The following CDON variants were observed in gnomAD, a reference collection of about 807,000 sequenced individuals.
The protein encoded by CDON is cell adhesion associated, oncogene regulated, also known as cell adhesion molecule-related/down-regulated by oncogenes.
A neutral mutation model predicts 120.9 loss-of-function variants in CDON; 73 were observed. The observed-to-expected ratio is 0.60, with a 90% CI of 0.50 to 0.73. CDON has a LOEUF of 0.73. Among genes scored for constraint, CDON ranks in the 30% least tolerant of loss-of-function variants. The pLI is 0.00. For missense variants in CDON, 1,470 were observed against 1,587.3 expected (o/e 0.93, Z 1.26); for synonymous variants, 566 against 573.5 (o/e 0.99, Z 0.19).
intron 13 of CDON, among the ~76,000 whole-genome samples, 177 bp from the exon 14 acceptor site, chr11:125,994,566 A>G (rs1454365362): frequency 6.6e-6 from 1 of 152,250 alleles, no homozygotes; most frequent in African/African-American, 2.4e-5. Context: ...TTGCGAGGTT[A>G]AACAGAAATA....
At chr11:126,059,529 GCA>G (rs891696246) in intron 1 of CDON, among the ~76,000 whole-genome samples, 13 of 123,352 alleles carry the variant, frequency 1.1e-4, no homozygotes, top group East Asian at 2.2e-4. Context: ...CACTCCCTCT[GCA>G]CACACACACA....
intron 1 of CDON, among the ~76,000 whole-genome samples, chr11:126,030,818 A>G (rs1274136239): frequency 6.6e-6 from 1 of 152,216 alleles, no homozygotes; most frequent in East Asian, 1.9e-4. Context: ...CCTTAACCAC[A>G]GGCAACTTTA....
rs150950960 is a variant in CDON, at chr11:126,034,538, TAAAA to T, written c.-61-11005_-61-11002del. Among the ~76,000 whole-genome samples the T allele has an allele frequency of 6.7e-6, 1 of 148,820 alleles. No homozygotes were observed. The highest frequency in any genetic ancestry group is 2.5e-5 in the African/African-American group (1 of 40,568). ...GTTCTATTCACAATATTTGTGTGTT[TAAAA>T]AAAAAAGTCAAGTGTTCCTGTTCCA... On this transcript the variant is annotated intron_variant, in intron 1 of 19. Coordinates refer to ENST00000531738, the MANE Select transcript of CDON (RefSeq NM_001378964.1). This position sits in a 1 kb window ranked among gnomAD's most constrained non-coding sequence, Gnocchi z 4.5.
chr11:125,971,911 A>G (rs1475520564), intron 18 of CDON, among the ~76,000 whole-genome samples: 1 of 152,250 alleles, frequency 6.6e-6, no homozygotes, highest in Non-Finnish European at 1.5e-5. Context: ...TTAATTACAT[A>G]TCCAGAACTG....
At chr11:126,009,471 G>T (rs1947230165) in intron 8 of CDON, among the ~76,000 whole-genome samples, 1 of 152,156 alleles carries the variant, frequency 6.6e-6, no homozygotes. Flanking sequence ...TGGAGCCCCA[G>T]ACCTGTCTAG....
intron 18 of CDON, among the ~76,000 whole-genome samples, chr11:125,977,834 TA>T (rs61617990): frequency 6.0e-5 from 9 of 151,006 alleles, no homozygotes; most frequent in Admixed American, 3.3e-4. Flanking sequence ...TTTTAAGAAT[TA>T]AAAAAAAACA....
chr11:126,037,314 G>C (rs1948127734), intron 1 of CDON, among the ~76,000 whole-genome samples: 1 of 151,942 alleles, frequency 6.6e-6, no homozygotes, highest in South Asian at 2.1e-4. Flanking sequence ...TGGCCAGGCT[G>C]GTCTTGAACT....
chr11:125,974,685 G>C (rs202006902), intron 18 of CDON, among the ~76,000 whole-genome samples: 1 of 151,826 alleles, frequency 6.6e-6, no homozygotes, highest in Non-Finnish European at 1.5e-5. Context: ...CTATTACTTG[G>C]ATAGAACTTA....
chr11:126,017,047 A>T (rs574453701), intron 6 of CDON, 41 bp downstream of exon 6: 1 of 1,567,208 alleles, frequency 6.4e-7, no homozygotes, highest in African/African-American at 1.4e-5. Flanking sequence ...TAGACCAGAA[A>T]AATGGCTTCA....
intron 1 of CDON, among the ~76,000 whole-genome samples, chr11:126,045,833 G>A (rs190212328): frequency 5.5e-4 from 83 of 152,140 alleles, no homozygotes; most frequent in African/African-American, 1.5e-3. Context: ...AGCCGGGCGT[G>A]GTGGCACATG....
chr11:125,997,058 T>C, intron 12 of CDON, 149 bp downstream of exon 12: 1 of 697,486 alleles, frequency 1.4e-6, no homozygotes, highest in South Asian at 1.5e-5. Context: ...GTGCCTGTAG[T>C]CTCAGCTACT....
chr11:126,021,471 A>G lies in CDON; in HGVS notation c.126T>C (p.Leu42=). The G allele has an allele frequency of 6.2e-7, 1 of 1,614,082 alleles. No homozygotes were observed. The highest frequency in any genetic ancestry group is 8.5e-7 in the Non-Finnish European group (1 of 1,179,944). Residue 42 remains leucine, a synonymous_variant, in exon 3 of 20, where the codon CTT becomes CTC. Transcript: ENST00000531738. Reference sequence around the variant, plus strand: ...AACAATGCAGTACTACAGGTCCACCAAGTTTCTGGACAGCAGAGAGCGGCT... The same window carrying G: ...AACAATGCAGTACTACAGGTCCACCGAGTTTCTGGACAGCAGAGAGCGGCT... The part of the protein sequence containing the change: ...TSEPLSAVQK[L]GGPVVLHCSA...
At chr11:125,981,627 C>CT (rs771121816) in intron 16 of CDON, among the ~76,000 whole-genome samples, 15 of 152,092 alleles carry the variant, frequency 9.9e-5, no homozygotes, top group Middle Eastern at 3.2e-3. Flanking sequence ...GCTGTGAACT[C>CT]TGAGTTAATT....
At chr11:125,976,816 T>C (rs562040196) in intron 18 of CDON, among the ~76,000 whole-genome samples, 2 of 152,312 alleles carry the variant, frequency 1.3e-5, no homozygotes, top group South Asian at 2.1e-4. Flanking sequence ...TTACATTACC[T>C]AGGACAATTT....
At chr11:126,043,033 A>T (rs949260027) in intron 1 of CDON, among the ~76,000 whole-genome samples, 4 of 152,174 alleles carry the variant, frequency 2.6e-5, no homozygotes, top group African/African-American at 9.7e-5. Context: ...CTAACTTTCG[A>T]CACCTAAGTA....
rs1324034508 is a variant in CDON, at chr11:125,959,065, G to C, written c.*1877C>G. 2 of 152,128 alleles carry C rather than the reference G, an allele frequency of 1.3e-5. No homozygotes were observed. The highest frequency in any genetic ancestry group is 2.9e-5 in the Non-Finnish European group (2 of 68,040). 9.4% of individuals were successfully genotyped at this position (152,128 alleles called of 1,614,324 possible). ...TATAGGCACGGACATCTGGAATGTA[G>C]AACTTGGGTCTACAGCATCCCTAAT... On this transcript the variant is annotated 3_prime_UTR_variant, in exon 20 of 20. Transcript: ENST00000531738.
At position 125,970,214 on chromosome 11, in the gene CDON, C is replaced by T. The variant is rs540773275; in HGVS notation, c.3356+8090G>A. ...TTTTTGAGACAGAGTCTTGCTCTGT[C>T]GCCAGGCTGGAGTGCAGTGGCGCGA... On this transcript the variant is annotated intron_variant, in intron 18 of 19. Coordinates refer to ENST00000531738, the MANE Select transcript of CDON (RefSeq NM_001378964.1). Among the ~76,000 whole-genome samples, 14 of 126,602 alleles carry T rather than the reference C, an allele frequency of 1.1e-4. No individual in the cohort carries two copies. In the East Asian group the frequency reaches 2.8e-3, roughly 25 times the overall value. The allele number at this position is 126,602 out of a possible 152,430, so 83.1% of individuals were successfully genotyped here. A position where few individuals can be genotyped will look rare whatever the true frequency, so the allele number is the denominator to read the frequency against.
rs372488329 is a variant in CDON, at chr11:126,010,584, G to A, written c.1309C>T (p.Arg437Cys). ...ATCAATCCATGGCTGTCATACCAAC[G>A]AATGACCGGAACCGGCAGCCCACTG... is the stretch of plus-strand genomic sequence containing the variant. The part of the protein sequence containing the change: ...NASGLPVPVI[R>C]WYDSHGLITS... Residue 437 changes from arginine (R) to cysteine (C), a missense_variant, in exon 8 of 20, where the codon CGT (arginine) becomes TGT (cysteine). By Grantham distance (180) the Arg-to-Cys change is radical. Coordinates refer to ENST00000531738, the MANE Select transcript of CDON (RefSeq NM_001378964.1). 3.1e-6 allele frequency: 5 copies of A among 1,614,086 alleles called. No homozygotes were observed. The highest frequency in any genetic ancestry group is 2.2e-5 in the East Asian group (1 of 44,884).
intron 1 of CDON, among the ~76,000 whole-genome samples, chr11:126,053,729 C>T (rs547699402): frequency 3.9e-5 from 6 of 152,200 alleles, no homozygotes; most frequent in South Asian, 2.1e-4. Context: ...ATTTTCTAAA[C>T]GAGGATTCCC....
Sources: allele counts gnomAD v4.1 joint callset (sites outside exome capture counted in the v4.1 genomes callset), GRCh38; gene constraint gnomAD v4.1.1; non-coding constraint Gnocchi (gnomAD v3.1); transcripts MANE v1.5; gene names NCBI Gene and HGNC (gene_info 2026-07-23, HGNC 2026-07-21).